Variants in CSMD1 observed in about 807,000 individuals in gnomAD.
CSMD1 encodes the protein CUB and Sushi multiple domains 1.
Under a neutral mutation model 417.5 loss-of-function variants are expected in CSMD1, and 213 were observed. The ratio of observed to expected loss-of-function variants is 0.51; its 90% CI spans 0.46 to 0.57. The LOEUF (loss-of-function observed/expected upper bound fraction) is 0.57, where lower values mean the gene tolerates loss of function less well. Ranked by LOEUF, CSMD1 falls within the 20% of genes least tolerant of loss-of-function variation. The probability of loss-of-function intolerance (pLI) is 0.00; values close to 1 mark genes in which losing one functional copy is unlikely to be tolerated. For synonymous variants in CSMD1, 2,862 were observed against 1,736.8 expected (o/e 1.65, Z -16.11); for missense variants, 6,923 against 4,529.7 (o/e 1.53, Z -15.17).
chr8:4,008,667 G>C (rs1183191435), intron 4 of CSMD1, among the ~76,000 whole-genome samples: 3 of 137,630 alleles, frequency 2.2e-5, no homozygotes, highest in African/African-American at 5.7e-5. Flanking sequence ...CTGGAGTGCA[G>C]TGGTGCGATC....
intron 51 of CSMD1, among the ~76,000 whole-genome samples, chr8:3,023,235 C>G (rs1809590096): frequency 6.6e-6 from 1 of 152,108 alleles, no homozygotes; most frequent in South Asian, 2.1e-4. Flanking sequence ...CACAGACAGC[C>G]CAGAATTTAG....
intron 1 of CSMD1, among the ~76,000 whole-genome samples, chr8:4,831,503 C>G (rs1037909705): frequency 6.6e-6 from 1 of 152,106 alleles, no homozygotes; most frequent in African/African-American, 2.4e-5. Context: ...AGATGCTGCT[C>G]ATTGCATGGT....
At chr8:4,182,948 A>T (rs142256744) in intron 3 of CSMD1, among the ~76,000 whole-genome samples, 10 of 152,264 alleles carry the variant, frequency 6.6e-5, no homozygotes, top group Non-Finnish European at 1.5e-4. Flanking sequence ...AAATGAAGAT[A>T]ATGGCCAATA....
intron 7 of CSMD1, among the ~76,000 whole-genome samples, chr8:3,674,744 C>A (rs1563260412): frequency 6.6e-6 from 1 of 152,124 alleles, no homozygotes; most frequent in Non-Finnish European, 1.5e-5. Flanking sequence ...TGCCCTTCAT[C>A]CCAACTTCAC....
At chr8:3,809,952 C>G (rs530653366) in intron 5 of CSMD1, among the ~76,000 whole-genome samples, 1 of 152,214 alleles carries the variant, frequency 6.6e-6, no homozygotes, top group Non-Finnish European at 1.5e-5. Flanking sequence ...TTTACTTACT[C>G]AAGGGCCTTC....
intron 2 of CSMD1, among the ~76,000 whole-genome samples, chr8:4,551,843 T>C (rs1033186391): frequency 6.8e-6 from 1 of 147,388 alleles, no homozygotes; most frequent in Non-Finnish European, 1.5e-5. Context: ...TACACATGGC[T>C]AATTTTTTGT....
intron 10 of CSMD1, among the ~76,000 whole-genome samples, chr8:3,542,242 C>G (rs185566576): frequency 1.3e-5 from 2 of 152,278 alleles, no homozygotes; most frequent in East Asian, 1.9e-4. Context: ...TTGTGACATA[C>G]TGTCATAAAT....
intron 42 of CSMD1, among the ~76,000 whole-genome samples, 173 bp from the exon 43 acceptor site, chr8:3,110,508 T>G (rs190776516): frequency 1.1e-4 from 17 of 152,358 alleles, no homozygotes; most frequent in African/African-American, 3.8e-4. Context: ...CTGAAGACCT[T>G]AGAAGAATTA....
At chr8:3,028,250 C>G (rs1810090436) in intron 51 of CSMD1, among the ~76,000 whole-genome samples, 1 of 152,190 alleles carries the variant, frequency 6.6e-6, no homozygotes, top group Admixed American at 6.5e-5. Flanking sequence ...ACTCCTTCTC[C>G]TAATCTCTCC....
chr8:3,046,696 T>C (rs553509404), intron 50 of CSMD1, among the ~76,000 whole-genome samples: 3 of 152,238 alleles, frequency 2.0e-5, no homozygotes, highest in African/African-American at 7.2e-5. Context: ...TCTAATCAAA[T>C]CATTTCCAGG....
At chr8:4,162,122 T>C (rs1563205947) in intron 3 of CSMD1, among the ~76,000 whole-genome samples, 1 of 152,200 alleles carries the variant, frequency 6.6e-6, no homozygotes, top group African/African-American at 2.4e-5. Context: ...GGTTACATGA[T>C]TCTAAATAAA....
chr8:4,754,606 C>T (rs1334511461), intron 1 of CSMD1, among the ~76,000 whole-genome samples: 1 of 151,592 alleles, frequency 6.6e-6, no homozygotes, highest in Non-Finnish European at 1.5e-5. Context: ...AATCCTAGAA[C>T]TTTGGGAGGC....
At chr8:2,952,789 C>T (rs562922909) in intron 65 of CSMD1, among the ~76,000 whole-genome samples, 2 of 152,250 alleles carry the variant, frequency 1.3e-5, no homozygotes, top group African/African-American at 2.4e-5. Context: ...CAGGAATGGG[C>T]CAGGCCTGGC....
rs780603698 is a variant in CSMD1, at chr8:4,637,493, C to T, written c.151G>A (p.Gly51Arg). 2.2e-5 allele frequency: 35 copies of T among 1,613,690 alleles called. No homozygotes were observed. The highest frequency in any genetic ancestry group is 1.0e-4 in the Admixed American group (6 of 59,982). ...GTGCAGTTGGCATAGTTCGGATACC[C>T]GTGAGGAAACCCTGGGCTCTCAATA... ...GTIESPGFPHGYPNYANCTWI... is the reference protein window; with the variant it reads ...GTIESPGFPHRYPNYANCTWI... The change falls in exon 2 of 70, where the codon GGG becomes AGG. Residue 51 changes from glycine (G) to arginine (R), a missense_variant. By Grantham distance (125) the Gly-to-Arg change is moderately radical. Coordinates refer to ENST00000635120, the MANE Select transcript of CSMD1 (RefSeq NM_033225.6).
intron 5 of CSMD1, among the ~76,000 whole-genome samples, chr8:3,840,694 T>TTA (rs1803077527): frequency 2.4e-5 from 2 of 83,880 alleles, no homozygotes; most frequent in African/African-American, 5.1e-5. Context: ...TTTTTTTTAA[T>TTA]TTTTTTTTTT....
chr8:3,163,460 C>G (rs1563100407), intron 37 of CSMD1, among the ~76,000 whole-genome samples: 1 of 151,746 alleles, frequency 6.6e-6, no homozygotes, highest in Non-Finnish European at 1.5e-5. Flanking sequence ...AGGGGCAGTC[C>G]CATGCTAGTG....
intron 7 of CSMD1, among the ~76,000 whole-genome samples, chr8:3,681,584 G>A (rs1217722113): frequency 6.6e-6 from 1 of 152,172 alleles, no homozygotes; most frequent in Non-Finnish European, 1.5e-5. Context: ...TGGATAGGAA[G>A]AGTAAATATC....
chr8:4,622,084 G>C (rs1361569479), intron 2 of CSMD1, among the ~76,000 whole-genome samples: 1 of 151,400 alleles, frequency 6.6e-6, no homozygotes, highest in Non-Finnish European at 1.5e-5. Context: ...GCAGTTCTAG[G>C]CAGGAGACAA....
At chr8:3,503,186 ACACACACC>A (rs1391428678) in intron 10 of CSMD1, among the ~76,000 whole-genome samples, 1 of 152,246 alleles carries the variant, frequency 6.6e-6, no homozygotes. Context: ...TACTTTGAAC[ACACACACC>A]CACACACAAA....
Sources: allele counts gnomAD v4.1 joint callset (sites outside exome capture counted in the v4.1 genomes callset), GRCh38; gene constraint gnomAD v4.1.1; transcripts MANE v1.5; gene names NCBI Gene and HGNC (gene_info 2026-07-23, HGNC 2026-07-21).